DPP6: variants seen among roughly 807,000 people sequenced by gnomAD.
DPP6 encodes the protein A-type potassium channel modulatory protein DPP6.
Under a neutral mutation model 122.6 loss-of-function variants are expected in DPP6, and 69 were observed. The ratio of observed to expected loss-of-function variants is 0.56; its 90% confidence interval spans 0.46 to 0.69. The LOEUF (loss-of-function observed/expected upper bound fraction) is 0.69. Among genes scored for constraint, DPP6 ranks in the 30% least tolerant of loss-of-function variants. The pLI is 0.00. For synonymous variants in DPP6, 418 were observed against 433.1 expected (o/e 0.97, Z 0.43); for missense variants, 928 against 1,116.9 (o/e 0.83, Z 2.41).
At chr7:153,862,663 G>T in the DPP6 span, among the ~76,000 whole-genome samples, 2 of 152,076 alleles carry the variant, frequency 1.3e-5, no homozygotes, top group Non-Finnish European at 2.9e-5. Context: ...ACAAACTCAG[G>T]CTGTGTTTGT....
intron 1 of DPP6, among the ~76,000 whole-genome samples, chr7:154,435,614 C>T (rs576555703): frequency 7.9e-5 from 12 of 152,310 alleles, no homozygotes; most frequent in African/African-American, 2.9e-4. Flanking sequence ...TGATTATTGA[C>T]GGACACGTGT....
chr7:153,862,276 A>T, the DPP6 span, among the ~76,000 whole-genome samples: 1 of 152,172 alleles, frequency 6.6e-6, no homozygotes, highest in East Asian at 1.9e-4. Context: ...TCCCGTTAAT[A>T]CCTCCTACTG....
chr7:154,562,154 C>T (rs1830463544), intron 4 of DPP6, among the ~76,000 whole-genome samples: 1 of 152,112 alleles, frequency 6.6e-6, no homozygotes, highest in African/African-American at 2.4e-5. Flanking sequence ...AATAAAACCA[C>T]AGATGACATT....
intron 3 of DPP6, among the ~76,000 whole-genome samples, chr7:154,508,274 A>T (rs1256774054): frequency 6.6e-6 from 1 of 152,008 alleles, no homozygotes; most frequent in Non-Finnish European, 1.5e-5. Flanking sequence ...CAGACACTAC[A>T]CTAATTTGGA....
At chr7:154,440,527 G>A (rs182909023) in intron 1 of DPP6, among the ~76,000 whole-genome samples, 1 of 152,266 alleles carries the variant, frequency 6.6e-6, no homozygotes, top group Non-Finnish European at 1.5e-5. Context: ...AGCCAGCATT[G>A]TGAATCCCAA....
the DPP6 span, among the ~76,000 whole-genome samples, chr7:153,880,777 C>A: frequency 2.0e-5 from 3 of 152,168 alleles, no homozygotes. Context: ...CAGTCTATTA[C>A]CTGAAATAGA....
intron 5 of DPP6, among the ~76,000 whole-genome samples, chr7:154,610,520 T>C (rs938340485): frequency 6.6e-6 from 1 of 152,226 alleles, no homozygotes; most frequent in African/African-American, 2.4e-5. Context: ...TGTCATTTCT[T>C]GCAGCACCTG....
chr7:154,445,512 T>C (rs1819785548), intron 1 of DPP6, among the ~76,000 whole-genome samples: 1 of 152,162 alleles, frequency 6.6e-6, no homozygotes, highest in Non-Finnish European at 1.5e-5. Context: ...CCTTTAGCAG[T>C]GTCTCCAGAG....
At chr7:153,763,513 T>C in the DPP6 span, among the ~76,000 whole-genome samples, 1 of 152,110 alleles carries the variant, frequency 6.6e-6, no homozygotes, top group Non-Finnish European at 1.5e-5. Flanking sequence ...AGAGGGTATC[T>C]ATGAGGCTTT....
At chr7:153,776,425 C>T in the DPP6 span, among the ~76,000 whole-genome samples, 2 of 152,022 alleles carry the variant, frequency 1.3e-5, no homozygotes, top group Non-Finnish European at 2.9e-5. Flanking sequence ...TCCTTGCTGC[C>T]GTCACATGAA....
At chr7:154,306,686 G>T (rs1585885033) in intron 1 of DPP6, among the ~76,000 whole-genome samples, 1 of 152,052 alleles carries the variant, frequency 6.6e-6, no homozygotes, top group African/African-American at 2.4e-5. Context: ...GATAAAAGGG[G>T]GCCATTTTAT....
chr7:154,674,517 C>G (rs1838766138), intron 7 of DPP6, among the ~76,000 whole-genome samples: 1 of 152,128 alleles, frequency 6.6e-6, no homozygotes, highest in Non-Finnish European at 1.5e-5. Flanking sequence ...GAAATTTTCC[C>G]AAGAAAGACT....
At chr7:154,700,470 G>A (rs1840455511) in intron 7 of DPP6, among the ~76,000 whole-genome samples, 1 of 152,220 alleles carries the variant, frequency 6.6e-6, no homozygotes, top group Non-Finnish European at 1.5e-5. Context: ...GTTTCAGAAT[G>A]TTCAGACTCA....
intron 1 of DPP6, among the ~76,000 whole-genome samples, chr7:154,376,932 G>A (rs529435103): frequency 1.4e-4 from 21 of 152,212 alleles, no homozygotes; most frequent in African/African-American, 5.1e-4. Flanking sequence ...AGAAAGTCAG[G>A]GATTCTGTAT....
At chr7:154,789,001 C>T (rs1488923052) in intron 10 of DPP6, among the ~76,000 whole-genome samples, 1 of 152,162 alleles carries the variant, frequency 6.6e-6, no homozygotes, top group Non-Finnish European at 1.5e-5. Context: ...ATTCTGTTCT[C>T]TTTATTTTTA....
intron 17 of DPP6, among the ~76,000 whole-genome samples, chr7:154,862,498 AAC>A (rs1300224719): frequency 6.6e-6 from 1 of 152,238 alleles, no homozygotes; most frequent in Non-Finnish European, 1.5e-5. Flanking sequence ...GCATTTGGCT[AAC>A]ACAGAGTGGA....
At chr7:153,917,535 G>A (rs1289311419) in intron 1 of DPP6, among the ~76,000 whole-genome samples, 1 of 152,150 alleles carries the variant, frequency 6.6e-6, no homozygotes, top group South Asian at 2.1e-4. Flanking sequence ...GTGAAGGCGT[G>A]GAGACTCTCA....
chr7:154,805,782 C>A (rs1205179505), intron 15 of DPP6, among the ~76,000 whole-genome samples: 1 of 152,120 alleles, frequency 6.6e-6, no homozygotes, highest in Non-Finnish European at 1.5e-5. Context: ...GTGAGATTAG[C>A]CCTGGGCACT....
intron 1 of DPP6, among the ~76,000 whole-genome samples, chr7:154,280,763 A>G (rs1227284179): frequency 6.6e-6 from 1 of 152,154 alleles, no homozygotes; most frequent in Non-Finnish European, 1.5e-5. Flanking sequence ...AACGCAGTGT[A>G]AGAATCAACC....
Sources: gnomAD v4.1 joint callset for allele counts (sites outside exome capture counted in the v4.1 genomes callset) on GRCh38, gnomAD v4.1.1 for gene constraint, MANE v1.5 for transcripts, NCBI Gene and HGNC (gene_info 2026-07-23, HGNC 2026-07-21) for gene names.